The following ARHGEF18 variants were observed in gnomAD, a reference collection of about 807,000 sequenced individuals.
ARHGEF18 encodes the protein Rho/Rac guanine nucleotide exchange factor 18.
ARHGEF18 carries 93 observed loss-of-function variants against 155.7 expected under a neutral mutation model. That is an observed-to-expected ratio of 0.60 (90% confidence interval 0.50 to 0.71). ARHGEF18 has a LOEUF of 0.71. ARHGEF18 is among the 30% of genes least tolerant of loss of function. The pLI, the probability that ARHGEF18 is intolerant of heterozygous loss-of-function variation, is 0.00. For synonymous variants in ARHGEF18, 742 were observed against 753.1 expected (o/e 0.99, Z 0.24); for missense variants, 1,593 against 1,816.1 (o/e 0.88, Z 2.23).
chr19:7,441,531 A>T (rs1974642103), intron 11 of ARHGEF18, 122 bp from the exon 12 acceptor site: 2 of 737,000 alleles, frequency 2.7e-6, no homozygotes, highest in South Asian at 1.7e-5. Context: ...GCTTCTGTGA[A>T]AATGTGGAGA....
chr19:7,361,325 C>T (rs1031462802), intron 1 of ARHGEF18, among the ~76,000 whole-genome samples: 1 of 152,152 alleles, frequency 6.6e-6, no homozygotes, highest in African/African-American at 2.4e-5. Flanking sequence ...GTAATCCCAG[C>T]TACTCAACAG....
intron 1 of ARHGEF18, among the ~76,000 whole-genome samples, chr19:7,353,024 C>T (rs1187907141): frequency 8.6e-5 from 13 of 150,554 alleles, no homozygotes; most frequent in East Asian, 2.0e-4. Flanking sequence ...TTAGTACAGA[C>T]GGGGTTTCAC....
At chr19:7,380,170 C>A (rs1403813500) in intron 7 of ARHGEF18, among the ~76,000 whole-genome samples, 8 of 148,558 alleles carry the variant, frequency 5.4e-5, no homozygotes, top group Non-Finnish European at 4.5e-5. Flanking sequence ...AGAGCAAAAC[C>A]CTGTTTAAAA....
At position 7,467,476 on chromosome 19, in the gene ARHGEF18, G is replaced by C; in HGVS notation, c.3272G>C (p.Arg1091Pro). Residue 1091 changes from arginine (R) to proline (P), a missense_variant, in exon 26 of 29, where the codon CGC (arginine) becomes CCC (proline). Coordinates refer to ENST00000668164, the MANE Select transcript of ARHGEF18 (RefSeq NM_001367823.1). The stretch of plus-strand genomic sequence containing the variant: ...CGTGCGGGCGCGCGGCTGCAGGAGC[G>C]CGAGGGCGAGGCGCGGCAGCTACGC... ...LERAGARLQEREGEARQLRER... is the reference protein window; with the variant it reads ...LERAGARLQEPEGEARQLRER... The C allele has an allele frequency of 2.0e-6, 3 of 1,469,330 alleles. No homozygotes were observed. The highest frequency in any genetic ancestry group is 2.7e-6 in the Non-Finnish European group (3 of 1,120,710). 91.0% of individuals were successfully genotyped at this position (1,469,330 alleles called of 1,614,324 possible). A position where few individuals can be genotyped will look rare whatever the true frequency, so the allele number is the denominator to read the frequency against.
chr19:7,380,592 G>A (rs1970689567), intron 7 of ARHGEF18, among the ~76,000 whole-genome samples: 1 of 152,178 alleles, frequency 6.6e-6, no homozygotes, highest in Admixed American at 6.6e-5. Flanking sequence ...ACTGAGGCGG[G>A]AGGATTGCTC....
chr19:7,391,791 G>A (rs527717381), intron 10 of ARHGEF18, among the ~76,000 whole-genome samples: 2 of 151,802 alleles, frequency 1.3e-5, no homozygotes, highest in East Asian at 1.9e-4. Flanking sequence ...CAGGGATGCC[G>A]CTCAACACCC....
At chr19:7,429,597 C>T (rs577031542) in intron 10 of ARHGEF18, among the ~76,000 whole-genome samples, 2 of 152,062 alleles carry the variant, frequency 1.3e-5, no homozygotes, top group South Asian at 2.1e-4. Flanking sequence ...AGTGAGACTC[C>T]GTCTCAAAAA....
At chr19:7,385,374 G>A in intron 10 of ARHGEF18, among the ~76,000 whole-genome samples, 1 of 151,724 alleles carries the variant, frequency 6.6e-6, no homozygotes, top group East Asian at 1.9e-4. Context: ...ACTCTGATTT[G>A]GGGTCACCCA....
At chr19:7,387,570 T>C (rs1413533118) in intron 10 of ARHGEF18, among the ~76,000 whole-genome samples, 1 of 152,174 alleles carries the variant, frequency 6.6e-6, no homozygotes, top group African/African-American at 2.4e-5. Context: ...ACAACCATTC[T>C]ATGAAATTTG....
chr19:7,362,086 A>G lies in ARHGEF18; in HGVS notation c.-110-695A>G, dbSNP rs867268061. Among the ~76,000 whole-genome samples the G allele has an allele frequency of 4.9e-3, 79 of 16,000 alleles. 4 individuals are homozygous for G. The East Asian group carries it at 0.069, about 14-fold the overall frequency. The allele number at this position is 16,000 out of a possible 152,430, so 10.5% of individuals were successfully genotyped here. A position where few individuals can be genotyped will look rare whatever the true frequency, so the allele number is the denominator to read the frequency against. The stretch of plus-strand genomic sequence containing the variant: ...GAAGGAGAAGGAGAAGGAGAAGGAG[A>G]AGGAGAAGGAGAAGGAGAAGGAGAA... On this transcript the variant is annotated intron_variant, in intron 1 of 28. Transcript: ENST00000668164.
At chr19:7,381,059 C>CCAAAGGACCAT in intron 8 of ARHGEF18, 65 bp downstream of exon 8, 2 of 1,178,644 alleles carry the variant, frequency 1.7e-6, no homozygotes, top group Non-Finnish European at 2.1e-6. Context: ...TACAGATGGT[C>CCAAAGGACCAT]CTTTGGGCCA....
At chr19:7,356,312 C>T (rs1206048777) in intron 1 of ARHGEF18, among the ~76,000 whole-genome samples, 3 of 150,614 alleles carry the variant, frequency 2.0e-5, no homozygotes, top group East Asian at 1.9e-4. Flanking sequence ...ATTCGGTCGC[C>T]GAGGCTGGAG....
At chr19:7,410,283 G>T (rs917912459) in intron 10 of ARHGEF18, among the ~76,000 whole-genome samples, 29 of 151,874 alleles carry the variant, frequency 1.9e-4, no homozygotes, top group African/African-American at 6.8e-4. Flanking sequence ...AGAAACCCCC[G>T]GCCTCTCTCA....
Position 7,382,823 on chromosome 19 carries a change from A to G in ARHGEF18, c.754A>G (p.Ser252Gly). 8.1e-7 allele frequency: 1 copy of G among 1,232,524 alleles called. No homozygotes were observed. The highest frequency in any genetic ancestry group is 1.0e-6 in the Non-Finnish European group (1 of 988,080). 76.3% of individuals were successfully genotyped at this position (1,232,524 alleles called of 1,614,324 possible). The stretch of plus-strand genomic sequence containing the variant: ...GGACGGTGCTGGCAAGAACGAGAAG[A>G]GTGACAAGAGTACCAGTGTGAAGCG... Reference protein sequence around the residue: ...SEDGAGKNEKSDKSTSVKRRL... With the variant: ...SEDGAGKNEKGDKSTSVKRRL... Residue 252 changes from serine to glycine, a missense_variant, in exon 9 of 29, where the codon AGT becomes GGT. Physicochemically the swap from Ser to Gly is moderately conservative, Grantham distance 56. Transcript: ENST00000668164.
intron 10 of ARHGEF18, 199 bp downstream of exon 10, chr19:7,383,402 G>T (rs1471774461): frequency 2.2e-6 from 1 of 451,052 alleles, no homozygotes; most frequent in East Asian, 3.5e-5. Flanking sequence ...ACTGGCAACA[G>T]TCCCTTTAAG....
intron 10 of ARHGEF18, among the ~76,000 whole-genome samples, chr19:7,396,219 G>A (rs1283330585): frequency 2.0e-5 from 3 of 152,154 alleles, no homozygotes; most frequent in African/African-American, 4.8e-5. Context: ...CATTCTTAAA[G>A]TTTTACCACG....
At chr19:7,452,772 CTT>C (rs1975570101) in intron 16 of ARHGEF18, among the ~76,000 whole-genome samples, 1 of 151,260 alleles carries the variant, frequency 6.6e-6, no homozygotes, top group Non-Finnish European at 1.5e-5. Flanking sequence ...AGCTGGGAGT[CTT>C]TTATGAAGGG....
At chr19:7,380,574 C>T (rs1970688766) in intron 7 of ARHGEF18, among the ~76,000 whole-genome samples, 3 of 151,952 alleles carry the variant, frequency 2.0e-5, no homozygotes, top group African/African-American at 4.8e-5. Flanking sequence ...GTCCCAGCTA[C>T]TCAGGAGACT....
intron 10 of ARHGEF18, among the ~76,000 whole-genome samples, chr19:7,405,219 A>G (rs1029061444): frequency 6.6e-5 from 10 of 151,708 alleles, no homozygotes; most frequent in Non-Finnish European, 1.5e-5. Context: ...TCAGCCTCCC[A>G]AAGTGCTGGG....
Sources: gnomAD v4.1 joint callset for allele counts (sites outside exome capture counted in the v4.1 genomes callset) on GRCh38, gnomAD v4.1.1 for gene constraint, MANE v1.5 for transcripts, NCBI Gene and HGNC (gene_info 2026-07-23, HGNC 2026-07-21) for gene names.